BNIP5: variants seen among roughly 807,000 people sequenced by gnomAD.
The protein encoded by BNIP5 is BCL2 interacting protein 5.
In BNIP5, 61 loss-of-function variants were observed where a neutral mutation model predicts 67.3. That is an observed-to-expected ratio of 0.91 (90% CI 0.74 to 1.12). BNIP5 has a LOEUF of 1.12. Ranked by LOEUF, BNIP5 falls within the 50% of genes most tolerant of loss-of-function variation. BNIP5 has a pLI of 0.00. For synonymous variants in BNIP5, 317 were observed against 319.0 expected (o/e 0.99, Z 0.07); for missense variants, 826 against 816.3 (o/e 1.01, Z -0.14).
rs756515508 is a variant in BNIP5, at chr6:36,321,163, C to T, written c.1660G>A (p.Gly554Arg). 6.3e-7 allele frequency: 1 copy of T among 1,589,488 alleles called. No individual in the cohort carries two copies. Among genetic ancestry groups the T allele is most frequent in the Middle Eastern group, 1.7e-4 (1 of 5,944 alleles). The change falls in exon 10 of 12, where the codon GGG (glycine) becomes AGG (arginine). Residue 554 changes from glycine to arginine, a missense_variant. Physicochemically the swap from Gly to Arg is moderately radical, Grantham distance 125. Coordinates refer to ENST00000437635, the MANE Select transcript of BNIP5 (RefSeq NM_001010903.5). Reference sequence around the variant, plus strand: ...GGCTGAGTGGTACTCACCTGCTGCCCCAGTTGGCCATCCACTTCTTGGAGA... The same window carrying T: ...GGCTGAGTGGTACTCACCTGCTGCCTCAGTTGGCCATCCACTTCTTGGAGA... ...ALLQEVDGQLGQQIRRHPSFK... is the reference protein window; with the variant it reads ...ALLQEVDGQLRQQIRRHPSFK...
chr6:36,330,429 C>T lies in BNIP5; in HGVS notation c.262G>A (p.Glu88Lys), dbSNP rs139083096. The T allele has an allele frequency of 5.3e-5, 86 of 1,614,140 alleles. No homozygotes were observed. The highest frequency in any genetic ancestry group is 1.3e-4 in the East Asian group (6 of 44,870). ...PEETGDFLPSEQRPSQDTKKG... is the reference protein window; with the variant it reads ...PEETGDFLPSKQRPSQDTKKG... The stretch of plus-strand genomic sequence containing the variant: ...TTGGTGTCTTGCGAAGGCCTCTGCT[C>T]GCTGGGGAGAAAATCTCCGGTCTCC... The change falls in exon 2 of 12, where the codon GAG becomes AAG. Residue 88 changes from glutamate to lysine, a missense_variant. Glu to Lys is a moderately conservative substitution (Grantham distance 56). Coordinates refer to ENST00000437635, the MANE Select transcript of BNIP5 (RefSeq NM_001010903.5).
chr6:36,322,434 CT>C lies in BNIP5; in HGVS notation c.1479del (p.Asp494IlefsTer16). The C allele has an allele frequency of 6.2e-7, 1 of 1,613,592 alleles. No individual in the cohort carries two copies. Among genetic ancestry groups the C allele is most frequent in the Non-Finnish European group, 8.5e-7 (1 of 1,179,770 alleles). On this transcript the variant is annotated frameshift_variant, in exon 9 of 12. Transcript: ENST00000437635. LOFTEE classifies it high-confidence loss of function. Reference protein sequence around the residue: ...RPSTSSSLDPEDLECREPLPA... With the variant: ...RPSTSSSLDPXDLECREPLPA... ...GGCAGGGGCTCCCGGCACTCGAGATCTTCTGGATCTAGGGCAAAAAAAGAGT... is the reference window on the plus strand; with the variant it reads ...GGCAGGGGCTCCCGGCACTCGAGATCTCTGGATCTAGGGCAAAAAAAGAGT...
intron 11 of BNIP5, among the ~76,000 whole-genome samples, chr6:36,318,652 G>A (rs925346486): frequency 2.6e-5 from 4 of 152,096 alleles, no homozygotes; most frequent in South Asian, 2.1e-4. Context: ...AGCCCAGGAA[G>A]GTTGAGGCTG....
intron 2 of BNIP5, among the ~76,000 whole-genome samples, 163 bp downstream of exon 2, chr6:36,329,918 A>AGGG (rs1280610649): frequency 2.8e-4 from 42 of 148,336 alleles, no homozygotes; most frequent in African/African-American, 7.6e-4. Flanking sequence ...GGAAGGAAAG[A>AGGG]AGGAAGGGAG....
At chr6:36,331,885 C>G (rs1390696300) in intron 1 of BNIP5, among the ~76,000 whole-genome samples, 4 of 152,036 alleles carry the variant, frequency 2.6e-5, no homozygotes, top group African/African-American at 9.7e-5. Context: ...GCCTCACTCT[C>G]ATAGAGCCTG....
rs752431397 is a variant in BNIP5 at position 36,330,362 on chromosome 6, G to A, written c.329C>T (p.Thr110Met). The part of the protein sequence containing the change: ...LKTMLNFFVR[T>M]GPEEPREKAS... Reference sequence around the variant, plus strand: ...CTTTTCTCTGGGCTCCTCAGGGCCCGTCCTCACGAAGAAGTTCAGCATGGT... The same window carrying A: ...CTTTTCTCTGGGCTCCTCAGGGCCCATCCTCACGAAGAAGTTCAGCATGGT... The change falls in exon 2 of 12, where the codon ACG becomes ATG. Residue 110 changes from threonine to methionine, a missense_variant. By Grantham distance (81) the Thr-to-Met change is moderately conservative. Coordinates refer to ENST00000437635, the MANE Select transcript of BNIP5 (RefSeq NM_001010903.5). 18 of 1,613,982 alleles carry A rather than the reference G, an allele frequency of 1.1e-5. No homozygotes were observed. The highest frequency in any genetic ancestry group is 3.3e-5 in the Admixed American group (2 of 60,004).
chr6:36,317,496 C>A, intron 11 of BNIP5, 105 bp from the exon 12 acceptor site: 1 of 962,444 alleles, frequency 1.0e-6, no homozygotes, highest in Non-Finnish European at 1.7e-6. Context: ...CCCACCCCAG[C>A]CTCCATCTCT....
Position 36,316,355 on chromosome 6 carries a change from G to A in BNIP5, c.*1001C>T. On this transcript the variant is annotated 3_prime_UTR_variant, in exon 12 of 12. Coordinates refer to ENST00000437635, the MANE Select transcript of BNIP5 (RefSeq NM_001010903.5). ...ACACCTGAGTCAAGCTATTGAAACT[G>A]TTGAGCTATACAGAAGGCAGAGCCT... The A allele has an allele frequency of 5.0e-6, 2 of 397,316 alleles. No individual in the cohort carries two copies. The highest frequency in any genetic ancestry group is 8.9e-6 in the Non-Finnish European group (2 of 225,804). The allele number at this position is 397,316 out of a possible 1,614,324, so 24.6% of individuals were successfully genotyped here.
rs779039214 is a variant in BNIP5, at chr6:36,326,511, A to G, written c.1035T>C (p.Tyr345=). ...ATGGCAACTGCAGAGCCTGCTCACC[A>G]TAGCTGCTGGAGATGGAAGGCCGAT... The part of the protein sequence containing the change: ...SGHRPSISSS[Y]GLEEPKVQEA... The change falls in exon 5 of 12, where the codon TAT becomes TAC. Residue 345 remains tyrosine (Y), a splice_region_variant and synonymous_variant. Coordinates refer to ENST00000437635, the MANE Select transcript of BNIP5 (RefSeq NM_001010903.5). 8.1e-6 allele frequency: 13 copies of G among 1,614,206 alleles called. No homozygotes were observed. Among genetic ancestry groups the G allele is most frequent in the South Asian group, 3.3e-5 (3 of 91,090 alleles).
chr6:36,325,344 G>A lies in BNIP5; in HGVS notation c.1107C>T (p.Pro369=). The A allele has an allele frequency of 6.2e-7, 1 of 1,614,104 alleles. No individual in the cohort carries two copies. The highest frequency in any genetic ancestry group is 8.5e-7 in the Non-Finnish European group (1 of 1,179,954). Residue 369 remains proline, a synonymous_variant, in exon 6 of 12, where the codon CCC becomes CCT. Transcript: ENST00000437635. ...CAGGTTCCTGGCTCTCTGATGGGGT[G>A]GGAAGCACGGAGGGACCTGGAGCCC... The part of the protein sequence containing the change: ...EAGAPGPSVL[P]TPSESQEPGE...
intron 2 of BNIP5, among the ~76,000 whole-genome samples, chr6:36,329,015 G>A (rs1771826178): frequency 6.6e-6 from 1 of 152,138 alleles, no homozygotes; most frequent in Admixed American, 6.5e-5. Context: ...CCTCCCTCTA[G>A]GTGCCAGTGG....
In BNIP5 at chr6:36,322,320, A is replaced by G. The variant is rs1310181889; in HGVS notation, c.1594T>C (p.Cys532Arg). ...PEGAPQLSGACESKEIIIQKL... is the reference protein window; with the variant it reads ...PEGAPQLSGARESKEIIIQKL... ...CAGGGGTGTTACTGACTAGATTCAC[A>G]TGCTCCACTCAGCTGAGGTGCCCCT... is the stretch of plus-strand genomic sequence containing the variant. Residue 532 changes from cysteine to arginine, a missense_variant, in exon 9 of 12, where the codon TGT becomes CGT. Transcript: ENST00000437635. 2.5e-6 allele frequency: 4 copies of G among 1,613,922 alleles called. No homozygotes were observed. Among genetic ancestry groups the G allele is most frequent in the East Asian group, 2.2e-5 (1 of 44,894 alleles).
Position 36,328,726 on chromosome 6 carries a change from A to G in BNIP5, c.611-12T>C, listed in dbSNP as rs1260317988. ...AGAATCTTCCCCACCTGGAATAGAG[A>G]CGAAAGCAAACGGGTATGTAGGTGT... On this transcript the variant is annotated splice_polypyrimidine_tract_variant and intron_variant, in intron 2 of 11. Transcript: ENST00000437635. 6.6e-7 allele frequency: 1 copy of G among 1,522,402 alleles called. No homozygotes were observed. The highest frequency in any genetic ancestry group is 1.7e-5 in the Admixed American group (1 of 59,912). 94.3% of individuals were successfully genotyped at this position (1,522,402 alleles called of 1,614,324 possible). A position where few individuals can be genotyped will look rare whatever the true frequency, so the allele number is the denominator to read the frequency against.
rs1251366060 is a variant in BNIP5, at chr6:36,315,886, T to C, written c.*1470A>G. 2 of 152,676 alleles carry C rather than the reference T, an allele frequency of 1.3e-5. No homozygotes were observed. The highest frequency in any genetic ancestry group is 2.9e-5 in the Non-Finnish European group (2 of 68,060). The allele number at this position is 152,676 out of a possible 1,614,324, so 9.5% of individuals were successfully genotyped here. A position where few individuals can be genotyped will look rare whatever the true frequency, so the allele number is the denominator to read the frequency against. ...ACATCATTCCAAATAAGAAACTATG[T>C]ACAAAAGGTTCCTGACCTTCATTTC... On this transcript the variant is annotated 3_prime_UTR_variant, in exon 12 of 12. Coordinates refer to ENST00000437635, the MANE Select transcript of BNIP5 (RefSeq NM_001010903.5).
rs574276275 is a variant in BNIP5, at chr6:36,319,376, G to A, written c.1903C>T (p.Pro635Ser). ...LRDHYNCTQF[P>S]YREDQPNITS... is the part of the protein sequence containing the mutation. ...CTCACCGGCTGGTCCTCCCTGTATG[G>A]GAACTGGGTGCAATTGTAGTGGTCT... Residue 635 changes from proline (P) to serine (S), a missense_variant, in exon 11 of 12, where the codon CCA becomes TCA. Pro to Ser is a moderately conservative substitution (Grantham distance 74, BLOSUM62 -1). Coordinates refer to ENST00000437635, the MANE Select transcript of BNIP5 (RefSeq NM_001010903.5). 60 of 1,614,088 alleles carry A rather than the reference G, an allele frequency of 3.7e-5. 1 individual carries two copies. The Middle Eastern group carries it at 6.7e-4, about 18-fold the overall frequency.
At chr6:36,319,302 T>C in intron 11 of BNIP5, 54 bp downstream of exon 11, 1 of 1,595,298 alleles carries the variant, frequency 6.3e-7, no homozygotes, top group Non-Finnish European at 8.6e-7. Context: ...AGGCCAGCTG[T>C]GAGCCTGCTG....
chr6:36,324,045 A>G, intron 7 of BNIP5, 84 bp downstream of exon 7: 1 of 972,352 alleles, frequency 1.0e-6, no homozygotes, highest in Admixed American at 1.7e-5. Context: ...ACAGAAGAGC[A>G]GCAGAGACAG....
chr6:36,321,088 G>T, intron 10 of BNIP5, 67 bp downstream of exon 10: 2 of 844,852 alleles, frequency 2.4e-6, no homozygotes, highest in Non-Finnish European at 3.7e-6. Flanking sequence ...GTGCAGACTT[G>T]GGGATGGAAC....
chr6:36,318,183 G>A (rs1028320917), intron 11 of BNIP5, among the ~76,000 whole-genome samples: 3 of 152,222 alleles, frequency 2.0e-5, no homozygotes, highest in Admixed American at 6.5e-5. Flanking sequence ...GGTGATAGTA[G>A]CATCATTGCA....
Sources: allele counts gnomAD v4.1 joint callset (sites outside exome capture counted in the v4.1 genomes callset), GRCh38; gene constraint gnomAD v4.1.1; transcripts MANE v1.5; gene names NCBI Gene and HGNC (gene_info 2026-07-23, HGNC 2026-07-21).